The following SPPL3 variants were observed in gnomAD, a reference collection of about 807,000 sequenced individuals.
SPPL3 encodes the protein signal peptide peptidase-like 3.
A neutral mutation model predicts 42.4 loss-of-function variants in SPPL3; 5 were observed. The observed-to-expected ratio is 0.12, with a 90% CI of 0.06 to 0.25. SPPL3 has a LOEUF of 0.25. SPPL3 is among the 10% of genes least tolerant of loss of function. The probability of loss-of-function intolerance (pLI) is 1.00; values close to 1 mark genes in which losing one functional copy is unlikely to be tolerated. For missense variants in SPPL3, 235 were observed against 489.0 expected, an observed-to-expected ratio of 0.48 and a Z score of 4.90; for synonymous variants, 195 against 181.8, an observed-to-expected ratio of 1.07 and a Z score of -0.58.
chr12:120,830,855 T>C (rs1462875352), intron 1 of SPPL3, among the ~76,000 whole-genome samples: 2 of 152,106 alleles, frequency 1.3e-5, no homozygotes, highest in Non-Finnish European at 2.9e-5. Context: ...TGATGGTTAA[T>C]TTTATGTATC....
chr12:120,883,123 C>T (rs1323931210), intron 1 of SPPL3, among the ~76,000 whole-genome samples: 5 of 150,692 alleles, frequency 3.3e-5, no homozygotes, highest in South Asian at 2.1e-4. Context: ...GCTAACACGG[C>T]GAAACCCCGT....
intron 1 of SPPL3, among the ~76,000 whole-genome samples, chr12:120,878,680 G>T (rs1299468524): frequency 2.0e-5 from 3 of 152,060 alleles, no homozygotes; most frequent in Non-Finnish European, 2.9e-5. Context: ...TAAACTCAAA[G>T]CCCATATGTA....
In SPPL3 at chr12:120,899,401, T is replaced by C. The variant is rs115199438; in HGVS notation, c.23+4444A>G. ...TATTCTTTCAACAAAGGATGAACCA[T>C]CCTGAAATTCAGTGTCATATTTACC... On this transcript the variant is annotated intron_variant, in intron 1 of 10. Coordinates refer to ENST00000353487, the MANE Select transcript of SPPL3 (RefSeq NM_139015.5). 3.4e-3 allele frequency among the ~76,000 whole-genome samples: 515 copies of C among 152,284 alleles called. 3 individuals carry two copies. The highest frequency in any genetic ancestry group is 0.012 in the African/African-American group (497 of 41,558).
At chr12:120,903,246 G>A (rs1874038300) in intron 1 of SPPL3, 1 of 145,836 alleles carries the variant, frequency 6.9e-6, no homozygotes, top group African/African-American at 2.5e-5. Flanking sequence ...CTTCACCAGT[G>A]ACTCCCCTCC....
chr12:120,903,884 G>C lies in SPPL3; in HGVS notation c.-17C>G. ...CTCCGCCATGGCGCTGCCTCTCGTG[G>C]GCTCCGCTGCAGGCTGTGGCCGGGC... On this transcript the variant is annotated 5_prime_UTR_variant, in exon 1 of 11. Transcript: ENST00000353487. The C allele has an allele frequency of 7.0e-7, 1 of 1,437,260 alleles. No homozygotes were observed. Among genetic ancestry groups the C allele is most frequent in the Non-Finnish European group, 9.1e-7 (1 of 1,097,050 alleles). 89.0% of individuals were successfully genotyped at this position (1,437,260 alleles called of 1,614,324 possible).
chr12:120,857,774 AC>A (rs1872509416), intron 1 of SPPL3, among the ~76,000 whole-genome samples: 1 of 152,240 alleles, frequency 6.6e-6, no homozygotes. Flanking sequence ...CAATGAGAAC[AC>A]ATGGACACAG....
chr12:120,875,926 G>C (rs1298942732), intron 1 of SPPL3, among the ~76,000 whole-genome samples: 2 of 152,088 alleles, frequency 1.3e-5, no homozygotes, highest in African/African-American at 4.8e-5. Flanking sequence ...CACTAAGCTG[G>C]AGTGGTGTCA....
chr12:120,802,183 G>A (rs1012468879), intron 2 of SPPL3, among the ~76,000 whole-genome samples: 2 of 151,888 alleles, frequency 1.3e-5, no homozygotes, highest in Non-Finnish European at 2.9e-5. Flanking sequence ...AACTTCCACT[G>A]CCTGCCTCAG....
chr12:120,797,068 G>A (rs999886844), intron 2 of SPPL3, among the ~76,000 whole-genome samples: 1 of 152,138 alleles, frequency 6.6e-6, no homozygotes, highest in African/African-American at 2.4e-5. Context: ...TACCCAGGAG[G>A]CTGAGGCAGA....
chr12:120,890,920 A>G (rs1019767483), intron 1 of SPPL3, among the ~76,000 whole-genome samples: 1 of 152,224 alleles, frequency 6.6e-6, no homozygotes, highest in African/African-American at 2.4e-5. Context: ...AGCTAAGACT[A>G]TCTATCCTAT....
chr12:120,766,177 G>GA, intron 10 of SPPL3, 86 bp downstream of exon 10: 1 of 1,097,902 alleles, frequency 9.1e-7, no homozygotes, highest in Non-Finnish European at 1.3e-6. Flanking sequence ...GGCTTAAGCA[G>GA]AATCACCTCC....
At chr12:120,784,353 C>T (rs754273809) in intron 4 of SPPL3, 121 bp downstream of exon 4, 4 of 1,111,750 alleles carry the variant, frequency 3.6e-6, no homozygotes, top group Non-Finnish European at 5.0e-6. Context: ...GAAGGCGAAG[C>T]CAAGATTTAT....
chr12:120,778,993 A>G (rs1235297615), intron 6 of SPPL3, among the ~76,000 whole-genome samples: 1 of 152,176 alleles, frequency 6.6e-6, no homozygotes, highest in Non-Finnish European at 1.5e-5. Context: ...AAAAAAATCC[A>G]AACAATTACT....
chr12:120,871,924 C>T (rs1230464510), intron 1 of SPPL3, among the ~76,000 whole-genome samples: 1 of 152,060 alleles, frequency 6.6e-6, no homozygotes. Flanking sequence ...GTGTTTGGAT[C>T]TGGGATTTTT....
chr12:120,811,485 C>CAG (rs1447912381), intron 1 of SPPL3: 1 of 152,264 alleles, frequency 6.6e-6, no homozygotes, highest in Non-Finnish European at 1.5e-5. Flanking sequence ...AAATCTGCTG[C>CAG]ATTCTTGACA....
chr12:120,796,804 A>T lies in SPPL3; in HGVS notation c.102-5247T>A, dbSNP rs184108082. On this transcript the variant is annotated intron_variant, in intron 2 of 10. Coordinates refer to ENST00000353487, the MANE Select transcript of SPPL3 (RefSeq NM_139015.5). ...TCCAATCAGGCTTTTGGAAGCAGGTACTCTCCCTTCTAATCCTTTCACATT... is the reference window on the plus strand; with the variant it reads ...TCCAATCAGGCTTTTGGAAGCAGGTTCTCTCCCTTCTAATCCTTTCACATT... 1.7e-3 allele frequency among the ~76,000 whole-genome samples: 255 copies of T among 151,960 alleles called. 1 individual carries two copies. The highest frequency in any genetic ancestry group is 0.012 in the South Asian group (58 of 4,808).
chr12:120,822,716 A>G (rs1871109964), intron 1 of SPPL3, among the ~76,000 whole-genome samples: 1 of 152,210 alleles, frequency 6.6e-6, no homozygotes, highest in Non-Finnish European at 1.5e-5. Context: ...GAATTTCAGT[A>G]GCAAATCTCC....
chr12:120,901,143 C>T (rs1151854), intron 1 of SPPL3, among the ~76,000 whole-genome samples: 137,042 of 152,138 alleles, frequency 0.9, 62,593 homozygotes, highest in East Asian at 1. Context: ...TTTAAACATA[C>T]CACTTGGCCT....
At chr12:120,845,604 T>G in intron 1 of SPPL3, 2 of 464,324 alleles carry the variant, frequency 4.3e-6, no homozygotes, top group South Asian at 4.5e-5. Context: ...GATGCACATT[T>G]CTTTTCTGTC....
Sources: gnomAD v4.1 joint callset for allele counts (sites outside exome capture counted in the v4.1 genomes callset) on GRCh38, gnomAD v4.1.1 for gene constraint, MANE v1.5 for transcripts, NCBI Gene and HGNC (gene_info 2026-07-23, HGNC 2026-07-21) for gene names.